The following VDR variants were observed in gnomAD, a reference collection of about 807,000 sequenced individuals.
VDR encodes the protein vitamin D3 receptor.
In VDR, 19 loss-of-function variants were observed where a neutral mutation model predicts 39.7. The observed-to-expected ratio is 0.48, with a 90% CI of 0.33 to 0.70. The LOEUF (loss-of-function observed/expected upper bound fraction) is 0.70, where lower values mean the gene tolerates loss of function less well. Ranked by LOEUF, VDR falls within the 30% of genes least tolerant of loss-of-function variation. The pLI, the probability that VDR is intolerant of heterozygous loss-of-function variation, is 0.02. For synonymous variants in VDR, 242 were observed against 215.8 expected, an observed-to-expected ratio of 1.12 and a Z score of -1.07; for missense variants, 442 against 570.5, an observed-to-expected ratio of 0.77 and a Z score of 2.29.
At chr12:47,848,505 A>ATTTTGCC (rs1234964278) in intron 7 of VDR, among the ~76,000 whole-genome samples, 1 of 112,226 alleles carries the variant, frequency 8.9e-6, no homozygotes, top group Non-Finnish European at 1.8e-5. Flanking sequence ...TGGTGCTCTT[A>ATTTTGCC]TTTTGCCCGT....
At chr12:47,868,822 T>G (rs1289762094) in intron 3 of VDR, among the ~76,000 whole-genome samples, 1 of 152,030 alleles carries the variant, frequency 6.6e-6, no homozygotes, top group Non-Finnish European at 1.5e-5. Context: ...ACTGAGGGGC[T>G]GCTCTGTCCT....
At chr12:47,893,838 T>C (rs890582403) in intron 1 of VDR, among the ~76,000 whole-genome samples, 1 of 152,248 alleles carries the variant, frequency 6.6e-6, no homozygotes, top group African/African-American at 2.4e-5. Context: ...GATAGGCACA[T>C]GCCAGTCCAT....
chr12:47,889,620 G>A (rs955725413), intron 1 of VDR, among the ~76,000 whole-genome samples: 4 of 152,168 alleles, frequency 2.6e-5, no homozygotes, highest in Non-Finnish European at 4.4e-5. Context: ...TAGCATGGGG[G>A]TACTTCCCAA....
intron 2 of VDR, 136 bp from the exon 3 acceptor site, chr12:47,879,251 C>A: frequency 9.3e-7 from 1 of 1,073,956 alleles, no homozygotes; most frequent in Non-Finnish European, 1.3e-6. Context: ...CAAGGGTGGG[C>A]ATCTCCCCAG....
At chr12:47,869,093 C>T (rs1050650632) in intron 3 of VDR, among the ~76,000 whole-genome samples, 3 of 152,226 alleles carry the variant, frequency 2.0e-5, no homozygotes, top group Non-Finnish European at 2.9e-5. Flanking sequence ...TGCAGGGTTG[C>T]CTGAAAAGAG....
chr12:47,894,960 G>A (rs982455890), intron 1 of VDR, among the ~76,000 whole-genome samples: 10 of 152,334 alleles, frequency 6.6e-5, no homozygotes, highest in Admixed American at 1.3e-4. Flanking sequence ...TCCATCCTCC[G>A]TGGCTACAAC....
At chr12:47,873,947 C>T (rs973663165) in intron 3 of VDR, among the ~76,000 whole-genome samples, 34 of 152,176 alleles carry the variant, frequency 2.2e-4, no homozygotes, top group African/African-American at 8.2e-4. Flanking sequence ...TCCACTGGCC[C>T]TGTATAACCC....
intron 1 of VDR, among the ~76,000 whole-genome samples, chr12:47,902,175 A>G (rs2137256358): frequency 6.6e-6 from 1 of 152,376 alleles, no homozygotes; most frequent in South Asian, 2.1e-4. Flanking sequence ...TTGTCCTGGT[A>G]TAACCATGCA....
intron 3 of VDR, among the ~76,000 whole-genome samples, chr12:47,878,125 A>G (rs11574055): frequency 9.8e-5 from 15 of 152,288 alleles, no homozygotes; most frequent in South Asian, 8.3e-4. Flanking sequence ...TGCTTTCCTC[A>G]TTTGATGGTT....
chr12:47,858,478 C>A (rs1201835026), intron 4 of VDR, among the ~76,000 whole-genome samples: 2 of 152,238 alleles, frequency 1.3e-5, no homozygotes, highest in African/African-American at 2.4e-5. Flanking sequence ...AAGGGTGAGG[C>A]CTTGCAGCTC....
intron 3 of VDR, 96 bp from the exon 4 acceptor site, chr12:47,865,273 A>T: frequency 6.3e-7 from 1 of 1,578,018 alleles, no homozygotes; most frequent in South Asian, 1.1e-5. Flanking sequence ...CCTGGTCTCC[A>T]TTTCTCCAAC....
chr12:47,845,816 A>G (rs1490787795), intron 9 of VDR, among the ~76,000 whole-genome samples: 1 of 152,198 alleles, frequency 6.6e-6, no homozygotes, highest in East Asian at 1.9e-4. Flanking sequence ...CATCACCGAC[A>G]TCATGTCCCC....
chr12:47,903,828 A>G (rs1470171938), intron 1 of VDR, among the ~76,000 whole-genome samples: 1 of 152,192 alleles, frequency 6.6e-6, no homozygotes, highest in Non-Finnish European at 1.5e-5. Context: ...GATTTATCAT[A>G]AAGCCACTAT....
intron 1 of VDR, among the ~76,000 whole-genome samples, chr12:47,897,631 T>C (rs561462932): frequency 2.0e-5 from 3 of 152,310 alleles, no homozygotes; most frequent in Admixed American, 1.3e-4. Context: ...TAACACCTCT[T>C]TTCCCCAGTA....
intron 3 of VDR, among the ~76,000 whole-genome samples, chr12:47,877,033 A>G (rs999601015): frequency 4.6e-5 from 7 of 152,200 alleles, no homozygotes; most frequent in African/African-American, 1.7e-4. Flanking sequence ...CCATATTGAC[A>G]ACTCCTAGCC....
At position 47,841,572 on chromosome 12, in the gene VDR, T is replaced by C. The variant is rs1945173227; in HGVS notation, c.*3174A>G. On this transcript the variant is annotated 3_prime_UTR_variant, in exon 10 of 10. Coordinates refer to ENST00000549336, the MANE Select transcript of VDR (RefSeq NM_000376.3). Reference sequence around the variant, plus strand: ...TAAAGCATTTATTTACAGCAGTACTTGCAACAAAGTAAGTGCTATATAAGT... The same window carrying C: ...TAAAGCATTTATTTACAGCAGTACTCGCAACAAAGTAAGTGCTATATAAGT... The C allele has an allele frequency of 6.6e-6, 1 of 152,382 alleles. No homozygotes were observed. The highest frequency in any genetic ancestry group is 2.1e-4 in the South Asian group (1 of 4,838). The allele number at this position is 152,382 out of a possible 1,614,324, so 9.4% of individuals were successfully genotyped here.
At chr12:47,886,375 C>G (rs894549077) in intron 1 of VDR, among the ~76,000 whole-genome samples, 13 of 152,228 alleles carry the variant, frequency 8.5e-5, no homozygotes, top group Non-Finnish European at 4.4e-5. Flanking sequence ...GTGCATAACT[C>G]AGGCATAATA....
chr12:47,852,826 C>T (rs1182982812), intron 7 of VDR, among the ~76,000 whole-genome samples: 2 of 152,172 alleles, frequency 1.3e-5, no homozygotes, highest in African/African-American at 2.4e-5. Context: ...CTAAGAGGGC[C>T]ATACACCAAT....
chr12:47,881,127 CATATACTGTCCTTTTT>C (rs1187425846), intron 2 of VDR, among the ~76,000 whole-genome samples: 2 of 150,838 alleles, frequency 1.3e-5, no homozygotes, highest in Non-Finnish European at 3.0e-5. Flanking sequence ...TATACACACA[CATATACTGTCCTTTTT>C]ACACACGTAT....
Sources: allele counts gnomAD v4.1 joint callset (sites outside exome capture counted in the v4.1 genomes callset), GRCh38; gene constraint gnomAD v4.1.1; transcripts MANE v1.5; gene names NCBI Gene and HGNC (gene_info 2026-07-23, HGNC 2026-07-21).